Variants in FRMD4A observed in about 807,000 individuals in gnomAD.
FRMD4A encodes FERM domain-containing protein 4A.
FRMD4A carries 29 observed loss-of-function variants against 129.1 expected under a neutral mutation model. The ratio of observed to expected loss-of-function variants is 0.22; its 90% CI spans 0.17 to 0.31. The LOEUF (loss-of-function observed/expected upper bound fraction) is 0.31. FRMD4A is among the 10% of genes least tolerant of loss of function. The pLI, the probability that FRMD4A is intolerant of heterozygous loss-of-function variation, is 1.00. For missense variants in FRMD4A, 1,272 were observed against 1,375.8 expected (o/e 0.92, Z 1.19); for synonymous variants, 634 against 571.6 (o/e 1.11, Z -1.56).
At position 13,656,648 on chromosome 10, in the gene FRMD4A, TGCACATCTG is replaced by T; in HGVS notation, c.2932_2940del (p.Gln978_Cys980del). 1 of 1,459,652 alleles carries T rather than the reference TGCACATCTG, an allele frequency of 6.9e-7. No individual in the cohort carries two copies. The highest frequency in any genetic ancestry group is 9.1e-7 in the Non-Finnish European group (1 of 1,097,178). The allele number at this position is 1,459,652 out of a possible 1,614,324, so 90.4% of individuals were successfully genotyped here. A position where few individuals can be genotyped will look rare whatever the true frequency, so the allele number is the denominator to read the frequency against. ...CGCCCCCTCTCACCTGACGTGGCCTTGCACATCTGGGGCATCCTGGTGACCCTGCTGTGC... is the reference window on the plus strand; with the variant it reads ...CGCCCCCTCTCACCTGACGTGGCCTTGGGCATCCTGGTGACCCTGCTGTGC... On this transcript the variant is annotated inframe_deletion, in exon 22 of 25. Transcript: ENST00000357447.
At chr10:13,886,458 C>A (rs1204956530) in intron 2 of FRMD4A, among the ~76,000 whole-genome samples, 1 of 152,190 alleles carries the variant, frequency 6.6e-6, no homozygotes, top group African/African-American at 2.4e-5. Flanking sequence ...TAATGCATTA[C>A]TAACTGAGGA....
In FRMD4A at chr10:14,241,683, T is replaced by TAAA. The variant is rs71388168; in HGVS notation, c.45+88372_45+88374dup. Among the ~76,000 whole-genome samples the TAAA allele has an allele frequency of 4.3e-4, 10 of 23,404 alleles. 2 individuals are homozygous for TAAA. Among genetic ancestry groups the TAAA allele is most frequent in the African/African-American group, 1.2e-3 (7 of 5,694 alleles). The allele number at this position is 23,404 out of a possible 152,430, so 15.4% of individuals were successfully genotyped here. ...GGAGAGGGATTTGTTTTACCCTCCC[T>TAAA]AAAAAAAAAAAAAAAAAAAAAAAAA... On this transcript the variant is annotated intron_variant, in intron 2 of 24. Transcript: ENST00000357447.
chr10:14,296,291 A>G (rs1240433345), intron 2 of FRMD4A, among the ~76,000 whole-genome samples: 1 of 152,232 alleles, frequency 6.6e-6, no homozygotes, highest in Non-Finnish European at 1.5e-5. Context: ...CCAGGGCTCC[A>G]TAGAAAGAGC....
chr10:14,138,720 A>G (rs1839674013), intron 2 of FRMD4A, among the ~76,000 whole-genome samples: 1 of 151,708 alleles, frequency 6.6e-6, no homozygotes, highest in Non-Finnish European at 1.5e-5. Context: ...AGATCGCACC[A>G]CTGCACTCCA....
intron 3 of FRMD4A, among the ~76,000 whole-genome samples, chr10:13,852,338 G>A (rs1051202964): frequency 6.6e-6 from 1 of 151,910 alleles, no homozygotes; most frequent in Non-Finnish European, 1.5e-5. Flanking sequence ...CCACCTCCCA[G>A]GTTCAAGTGA....
intron 5 of FRMD4A, among the ~76,000 whole-genome samples, chr10:13,783,736 G>A (rs1463176717): frequency 2.0e-5 from 3 of 152,112 alleles, no homozygotes; most frequent in South Asian, 2.1e-4. Context: ...TACTACTCCC[G>A]AAGGTGGTGA....
chr10:14,048,880 TAGA>T (rs1565211088), intron 2 of FRMD4A, among the ~76,000 whole-genome samples: 14 of 113,118 alleles, frequency 1.2e-4, no homozygotes, highest in African/African-American at 4.3e-4. Flanking sequence ...TAGAATAGAA[TAGA>T]ATAGAATAGA....
At chr10:13,921,258 C>CTCTTTCTCTCT (rs1407038620) in intron 2 of FRMD4A, among the ~76,000 whole-genome samples, 16 of 135,424 alleles carry the variant, frequency 1.2e-4, no homozygotes, top group East Asian at 4.6e-4. Flanking sequence ...TTCTCTCTCT[C>CTCTTTCTCTCT]TCTCTCTTTC....
At chr10:14,111,951 G>A in intron 2 of FRMD4A, among the ~76,000 whole-genome samples, 1 of 140,260 alleles carries the variant, frequency 7.1e-6, no homozygotes, top group Non-Finnish European at 1.5e-5. Flanking sequence ...AAGGAAGGGA[G>A]GGAGAGGAGG....
At chr10:14,110,086 G>A (rs754673055) in intron 2 of FRMD4A, among the ~76,000 whole-genome samples, 20 of 122,376 alleles carry the variant, frequency 1.6e-4, no homozygotes, top group Non-Finnish European at 2.5e-4. Context: ...CTGAGATTGC[G>A]CCACTATATT....
intron 14 of FRMD4A, among the ~76,000 whole-genome samples, chr10:13,696,254 A>G (rs1457112433): frequency 6.6e-6 from 1 of 152,178 alleles, no homozygotes; most frequent in Non-Finnish European, 1.5e-5. Flanking sequence ...ATTTGCGCCC[A>G]TCTGGTTGAG....
At chr10:14,029,197 A>G (rs551640720) in intron 2 of FRMD4A, among the ~76,000 whole-genome samples, 1 of 151,712 alleles carries the variant, frequency 6.6e-6, no homozygotes, top group South Asian at 2.1e-4. Context: ...TCTATGAAAC[A>G]TCTCCTCCAG....
At chr10:14,187,221 A>G (rs1370633541) in intron 2 of FRMD4A, among the ~76,000 whole-genome samples, 2 of 152,200 alleles carry the variant, frequency 1.3e-5, no homozygotes, top group African/African-American at 2.4e-5. Context: ...TGCATTCTAT[A>G]AAAGCAATGA....
chr10:13,912,520 ATT>A lies in FRMD4A; in HGVS notation c.46-53610_46-53609del, dbSNP rs57865883. On this transcript the variant is annotated intron_variant, in intron 2 of 24. Transcript: ENST00000357447. ...AAATGTGATGTATCCACATAATAGA[ATT>A]TTTTTTTTTTTTTTTTTTTTTTTTG... Among the ~76,000 whole-genome samples, 208 of 126,138 alleles carry A rather than the reference ATT, an allele frequency of 1.6e-3. 1 individual carries two copies. The highest frequency in any genetic ancestry group is 5.7e-3 in the African/African-American group (192 of 33,860). The allele number at this position is 126,138 out of a possible 152,430, so 82.8% of individuals were successfully genotyped here. A position where few individuals can be genotyped will look rare whatever the true frequency, so the allele number is the denominator to read the frequency against.
intron 2 of FRMD4A, chr10:14,083,107 A>G (rs909559161): frequency 6.6e-6 from 1 of 152,140 alleles, no homozygotes; most frequent in African/African-American, 2.4e-5. Flanking sequence ...CACTTCTGGA[A>G]CCTTCCGTGG....
intron 1 of FRMD4A, 74 bp from the exon 2 acceptor site, chr10:14,330,257 A>T: frequency 1.5e-6 from 1 of 674,262 alleles, no homozygotes; most frequent in East Asian, 2.9e-5. Flanking sequence ...CCTTTCACAC[A>T]GGGTGGGGAG....
chr10:14,242,676 C>G (rs932502867), intron 2 of FRMD4A, among the ~76,000 whole-genome samples: 3 of 152,164 alleles, frequency 2.0e-5, no homozygotes, highest in African/African-American at 7.2e-5. Flanking sequence ...AGATGGAACA[C>G]AAGAGGGACC....
At chr10:13,678,373 T>G (rs139051462) in intron 15 of FRMD4A, among the ~76,000 whole-genome samples, 2 of 152,236 alleles carry the variant, frequency 1.3e-5, no homozygotes, top group East Asian at 3.8e-4. Flanking sequence ...CCAGCCTGCC[T>G]TGGACATGCA....
At chr10:13,871,632 G>A (rs12763474) in intron 2 of FRMD4A, among the ~76,000 whole-genome samples, 7,524 of 152,282 alleles carry the variant, frequency 0.049, 205 homozygotes, top group South Asian at 0.073. Flanking sequence ...TGACTCTGCC[G>A]GGTTCTCCCT....
Sources: allele counts gnomAD v4.1 joint callset (sites outside exome capture counted in the v4.1 genomes callset), GRCh38; gene constraint gnomAD v4.1.1; transcripts MANE v1.5; gene names NCBI Gene and HGNC (gene_info 2026-07-23, HGNC 2026-07-21).